TXNL1: variants seen among roughly 807,000 people sequenced by gnomAD.
The protein encoded by TXNL1 is thioredoxin-like protein 1.
Under a neutral mutation model 35.5 loss-of-function variants are expected in TXNL1, and 14 were observed. The ratio of observed to expected loss-of-function variants is 0.39; its 90% CI spans 0.26 to 0.62. The LOEUF is 0.62. TXNL1 is among the 20% of genes least tolerant of loss of function. The pLI, the probability that TXNL1 is intolerant of heterozygous loss-of-function variation, is 0.47. For missense variants in TXNL1, 263 were observed against 349.7 expected, an observed-to-expected ratio of 0.75 and a Z score of 1.98; for synonymous variants, 110 against 115.5, an observed-to-expected ratio of 0.95 and a Z score of 0.31.
At chr18:56,626,323 A>T (rs1045797046) in intron 2 of TXNL1, 38 bp downstream of exon 2, 3 of 1,579,386 alleles carry the variant, frequency 1.9e-6, no homozygotes, top group Admixed American at 2.0e-5. Flanking sequence ...AATTTATTCA[A>T]AAGTAAATTA....
chr18:56,629,847 G>T (rs2024343195), intron 1 of TXNL1, among the ~76,000 whole-genome samples: 1 of 152,096 alleles, frequency 6.6e-6, no homozygotes, highest in African/African-American at 2.4e-5. Context: ...GGAAAAATAA[G>T]TTTGTTGGCA....
chr18:56,624,552 A>AAG, intron 2 of TXNL1, 91 bp from the exon 3 acceptor site: 1 of 1,364,124 alleles, frequency 7.3e-7, no homozygotes, highest in Non-Finnish European at 1.0e-6. Context: ...AAATACCATA[A>AAG]GCATGAACTA....
At chr18:56,613,842 T>C (rs1206846042) in intron 6 of TXNL1, among the ~76,000 whole-genome samples, 1 of 151,912 alleles carries the variant, frequency 6.6e-6, no homozygotes, top group Non-Finnish European at 1.5e-5. Flanking sequence ...ATACCTTAGG[T>C]CATCTTATAA....
chr18:56,620,075 T>A (rs1568104390), intron 3 of TXNL1, among the ~76,000 whole-genome samples: 1 of 152,158 alleles, frequency 6.6e-6, no homozygotes, highest in East Asian at 1.9e-4. Context: ...TTCAAGTGAT[T>A]CTCCTGCTTC....
chr18:56,614,473 CCATCT>C lies in TXNL1; in HGVS notation c.681_685del (p.Asp228HisfsTer8). The C allele has an allele frequency of 6.2e-7, 1 of 1,613,814 alleles. No homozygotes were observed. The highest frequency in any genetic ancestry group is 1.1e-5 in the South Asian group (1 of 91,050). The stretch of plus-strand genomic sequence containing the variant: ...CTTAACATAACGAAGTGGAACAATG[CCATCT>C]TCTTTAATATCATCCTCTGTCAGTT... On this transcript the variant is annotated frameshift_variant, in exon 6 of 8. Transcript: ENST00000217515. LOFTEE classifies it high-confidence loss of function.
rs1165573262 is a variant in TXNL1, at chr18:56,597,279, A to G, written c.*5748T>C. 1.3e-5 allele frequency: 2 copies of G among 152,356 alleles called. No homozygotes were observed. The highest frequency in any genetic ancestry group is 2.9e-5 in the Non-Finnish European group (2 of 68,028). 9.4% of individuals were successfully genotyped at this position (152,356 alleles called of 1,614,324 possible). A position where few individuals can be genotyped will look rare whatever the true frequency, so the allele number is the denominator to read the frequency against. ...ATTCTCTTACAAAATAGTGCCATCCATCTCCAAGTTTTGCCAAGTGTCATG... is the reference window on the plus strand; with the variant it reads ...ATTCTCTTACAAAATAGTGCCATCCGTCTCCAAGTTTTGCCAAGTGTCATG... On this transcript the variant is annotated 3_prime_UTR_variant, in exon 8 of 8. Transcript: ENST00000217515.
chr18:56,624,316 T>C lies in TXNL1; in HGVS notation c.341A>G (p.Asn114Ser), dbSNP rs768101386. 36 of 1,613,722 alleles carry C rather than the reference T, an allele frequency of 2.2e-5. No individual in the cohort carries two copies. In the Admixed American group the frequency reaches 4.0e-4, roughly 18 times the overall value. Reference protein sequence around the residue: ...KQHLENDPGSNEDTDIPKGYM... With the variant: ...KQHLENDPGSSEDTDIPKGYM... ...GCCTTTTGGAATATCTGTGTCCTCATTGCTTCCAGGGTCATTTTCTAAGTG... is the reference window on the plus strand; with the variant it reads ...GCCTTTTGGAATATCTGTGTCCTCACTGCTTCCAGGGTCATTTTCTAAGTG... The change falls in exon 3 of 8, where the codon AAT becomes AGT. Residue 114 changes from asparagine to serine, a missense_variant. Transcript: ENST00000217515.
intron 7 of TXNL1, 169 bp downstream of exon 7, chr18:56,610,824 A>T: frequency 2.2e-6 from 1 of 457,926 alleles, no homozygotes; most frequent in Non-Finnish European, 3.8e-6. Flanking sequence ...TGGATATCTA[A>T]AAATATAGTT....
intron 3 of TXNL1, among the ~76,000 whole-genome samples, chr18:56,621,074 G>T (rs1003926023): frequency 9.9e-5 from 15 of 152,052 alleles, no homozygotes; most frequent in Non-Finnish European, 1.6e-4. Flanking sequence ...CTTCAATATG[G>T]TATCTAGGAT....
chr18:56,625,612 A>G (rs185000604), intron 2 of TXNL1, among the ~76,000 whole-genome samples: 187 of 152,300 alleles, frequency 1.2e-3, no homozygotes, highest in Admixed American at 3.7e-3. Flanking sequence ...GTGCAATAAC[A>G]TGCAACTAAG....
intron 3 of TXNL1, 128 bp downstream of exon 3, chr18:56,624,160 G>C: frequency 9.8e-7 from 1 of 1,017,316 alleles, no homozygotes; most frequent in Non-Finnish European, 1.4e-6. Context: ...AAATTTGAAA[G>C]CTCTTATTTA....
At chr18:56,610,854 G>T (rs2023978290) in intron 7 of TXNL1, 139 bp downstream of exon 7, 2 of 555,590 alleles carry the variant, frequency 3.6e-6, no homozygotes, top group Non-Finnish European at 6.1e-6. Context: ...TTCTATCCTA[G>T]TTTAGCCTTG....
rs566551860 is a variant in TXNL1 at position 56,606,216 on chromosome 18, T to C, written c.841-3160A>G. Among the ~76,000 whole-genome samples, 8 of 151,852 alleles carry C rather than the reference T, an allele frequency of 5.3e-5. No homozygotes were observed. In the East Asian group the frequency reaches 1.6e-3, roughly 30 times the overall value. ...ACGGTGAAACCCCGTCTCTACTAAATATACAAAAAAATTAGCCAGGCGTAG... is the reference window on the plus strand; with the variant it reads ...ACGGTGAAACCCCGTCTCTACTAAACATACAAAAAAATTAGCCAGGCGTAG... On this transcript the variant is annotated intron_variant, in intron 7 of 7. Transcript: ENST00000217515.
intron 7 of TXNL1, among the ~76,000 whole-genome samples, chr18:56,603,880 T>C (rs1032270817): frequency 1.3e-5 from 2 of 152,222 alleles, no homozygotes; most frequent in South Asian, 2.1e-4. Context: ...TATGTTTGTG[T>C]AGAAAGATTT....
At chr18:56,636,491 G>A (rs1281193755) in intron 1 of TXNL1, among the ~76,000 whole-genome samples, 2 of 152,098 alleles carry the variant, frequency 1.3e-5, no homozygotes, top group South Asian at 4.1e-4. Context: ...AATCTTACCA[G>A]ATTTGTAAAC....
At chr18:56,619,856 T>G (rs1030933701) in intron 3 of TXNL1, among the ~76,000 whole-genome samples, 1 of 152,218 alleles carries the variant, frequency 6.6e-6, no homozygotes, top group African/African-American at 2.4e-5. Flanking sequence ...ATGCCTTTTC[T>G]GCATATTTGG....
At chr18:56,615,432 A>G (rs12969761) in intron 5 of TXNL1, among the ~76,000 whole-genome samples, 9,340 of 138,790 alleles carry the variant, frequency 0.067, 513 homozygotes, top group East Asian at 0.26. Flanking sequence ...CCATTCCCCT[A>G]TTCCCCCTCA....
At chr18:56,620,904 C>T (rs1434727749) in intron 3 of TXNL1, among the ~76,000 whole-genome samples, 3 of 152,062 alleles carry the variant, frequency 2.0e-5, no homozygotes, top group South Asian at 2.1e-4. Context: ...CTCAGGGTAA[C>T]GTATAGCCAA....
Position 56,602,512 on chromosome 18 carries a change from T to C in TXNL1, c.*515A>G, listed in dbSNP as rs938844329. 27 of 152,920 alleles carry C rather than the reference T, an allele frequency of 1.8e-4. No homozygotes were observed. Among genetic ancestry groups the C allele is most frequent in the African/African-American group, 6.5e-4 (27 of 41,358 alleles). 9.5% of individuals were successfully genotyped at this position (152,920 alleles called of 1,614,324 possible). On this transcript the variant is annotated 3_prime_UTR_variant, in exon 8 of 8. Coordinates refer to ENST00000217515, the MANE Select transcript of TXNL1 (RefSeq NM_004786.3). ...TAAGTTTTAGGTAAGAGTAGCTAAATCTCATTAAACCTGTTTATTTCTTCT... is the reference window on the plus strand; with the variant it reads ...TAAGTTTTAGGTAAGAGTAGCTAAACCTCATTAAACCTGTTTATTTCTTCT...
Sources: allele counts gnomAD v4.1 joint callset (sites outside exome capture counted in the v4.1 genomes callset), GRCh38; gene constraint gnomAD v4.1.1; transcripts MANE v1.5; gene names NCBI Gene and HGNC (gene_info 2026-07-23, HGNC 2026-07-21).